SHB: variants seen among roughly 807,000 people sequenced by gnomAD.
SHB encodes SH2 domain-containing adapter protein B.
A neutral mutation model predicts 52.3 loss-of-function variants in SHB; 20 were observed. That is an observed-to-expected ratio of 0.38 (90% confidence interval 0.27 to 0.56). The LOEUF (loss-of-function observed/expected upper bound fraction) is 0.56, where lower values mean the gene tolerates loss of function less well. Among genes scored for constraint, SHB ranks in the 20% least tolerant of loss-of-function variants. The pLI is 0.71. For missense variants in SHB, 825 were observed against 723.3 expected (o/e 1.14, Z -1.61); for synonymous variants, 397 against 316.5 (o/e 1.25, Z -2.70).
intron 1 of SHB, among the ~76,000 whole-genome samples, chr9:38,054,066 G>A (rs1355407785): frequency 6.6e-6 from 1 of 152,180 alleles, no homozygotes; most frequent in Non-Finnish European, 1.5e-5. Flanking sequence ...AGAAGATGGG[G>A]CATTCCAGGC....
chr9:37,926,395 C>T (rs1005253338), intron 5 of SHB, among the ~76,000 whole-genome samples: 1 of 152,172 alleles, frequency 6.6e-6, no homozygotes, highest in African/African-American at 2.4e-5. Context: ...CTAGAAGATT[C>T]GAGAAGCACA....
chr9:38,042,083 G>A (rs1408261128), intron 1 of SHB, among the ~76,000 whole-genome samples: 2 of 152,202 alleles, frequency 1.3e-5, no homozygotes, highest in East Asian at 1.9e-4. Flanking sequence ...TCGCCCAGAA[G>A]GCATCAAGGT....
At chr9:37,972,463 G>A (rs1345182757) in intron 3 of SHB, among the ~76,000 whole-genome samples, 1 of 152,220 alleles carries the variant, frequency 6.6e-6, no homozygotes, top group Non-Finnish European at 1.5e-5. Flanking sequence ...CCAGAAAGGT[G>A]ATGGGACAGG....
At chr9:37,960,103 A>G (rs563031950) in intron 3 of SHB, among the ~76,000 whole-genome samples, 185 of 152,248 alleles carry the variant, frequency 1.2e-3, no homozygotes, top group Non-Finnish European at 2.4e-3. Flanking sequence ...TTAATAATAT[A>G]GCCATATATC....
intron 2 of SHB, among the ~76,000 whole-genome samples, chr9:38,009,646 T>C (rs1046887035): frequency 2.0e-5 from 3 of 152,192 alleles, no homozygotes; most frequent in Admixed American, 1.3e-4. Flanking sequence ...AGAGAGCATG[T>C]TGCCACTAGA....
At chr9:37,934,163 T>G (rs989200694) in intron 5 of SHB, among the ~76,000 whole-genome samples, 1 of 152,202 alleles carries the variant, frequency 6.6e-6, no homozygotes, top group African/African-American at 2.4e-5. Flanking sequence ...TTTTGGGGTC[T>G]GCGGACCTCC....
chr9:38,051,985 T>C (rs1446551799), intron 1 of SHB, among the ~76,000 whole-genome samples: 1 of 152,214 alleles, frequency 6.6e-6, no homozygotes, highest in Non-Finnish European at 1.5e-5. Context: ...GCATCCCGCG[T>C]TGGCTCAGAG....
At position 37,916,542 on chromosome 9, in the gene SHB, G is replaced by A. The variant is rs373997615; in HGVS notation, c.*3279C>T. On this transcript the variant is annotated 3_prime_UTR_variant, in exon 6 of 6. Coordinates refer to ENST00000377707, the MANE Select transcript of SHB (RefSeq NM_003028.3). ...CCACCCTGTTGACCGGACGCCTTGC[G>A]GGTAGCTGCTTCAGGTTTCCCTCCT... 2.0e-4 allele frequency among the ~76,000 whole-genome samples: 31 copies of A among 152,350 alleles called. No homozygotes were observed. The highest frequency in any genetic ancestry group is 5.8e-4 in the African/African-American group (24 of 41,586).
chr9:38,020,369 T>G (rs534625914), intron 1 of SHB, among the ~76,000 whole-genome samples: 7 of 152,306 alleles, frequency 4.6e-5, no homozygotes, highest in Admixed American at 4.6e-4. Context: ...CAGGTGATCC[T>G]TATCAGGAAA....
intron 2 of SHB, among the ~76,000 whole-genome samples, chr9:38,002,647 C>A (rs1277108415): frequency 1.3e-5 from 2 of 152,242 alleles, no homozygotes; most frequent in African/African-American, 4.8e-5. Flanking sequence ...GTCCCCCAAC[C>A]TAGCTTGGCT....
chr9:37,963,529 G>A (rs973460407), intron 3 of SHB, among the ~76,000 whole-genome samples: 1 of 152,200 alleles, frequency 6.6e-6, no homozygotes, highest in Non-Finnish European at 1.5e-5. Flanking sequence ...CGAATGTACA[G>A]AGGCAGAGTC....
At chr9:37,932,562 CAA>C (rs74171537) in intron 5 of SHB, among the ~76,000 whole-genome samples, 1,417 of 86,702 alleles carry the variant, frequency 0.016, 15 homozygotes, top group East Asian at 0.094. Flanking sequence ...GCTCTAGCCA[CAA>C]AAAAAAAAAA....
intron 1 of SHB, among the ~76,000 whole-genome samples, chr9:38,034,533 A>C (rs1485158285): frequency 6.6e-6 from 1 of 152,200 alleles, no homozygotes; most frequent in Non-Finnish European, 1.5e-5. Context: ...ATTCTTCCTG[A>C]AATTGAGTTG....
At chr9:38,047,778 C>T (rs1014979294) in intron 1 of SHB, among the ~76,000 whole-genome samples, 3 of 152,236 alleles carry the variant, frequency 2.0e-5, no homozygotes, top group Non-Finnish European at 4.4e-5. Flanking sequence ...TAGCCCAATG[C>T]GCCAGTGGGT....
chr9:38,065,994 C>T (rs1425016998), intron 1 of SHB, among the ~76,000 whole-genome samples: 2 of 152,204 alleles, frequency 1.3e-5, no homozygotes, highest in African/African-American at 4.8e-5. Flanking sequence ...CCTCCTGTAA[C>T]CCTGTAACAC....
chr9:38,054,513 A>T (rs777427797), intron 1 of SHB, among the ~76,000 whole-genome samples: 9 of 152,014 alleles, frequency 5.9e-5, no homozygotes, highest in Non-Finnish European at 1.3e-4. Context: ...CTATTACTTC[A>T]TGCCCACAGG....
chr9:38,033,950 C>T (rs768627935), intron 1 of SHB, among the ~76,000 whole-genome samples: 15 of 152,136 alleles, frequency 9.9e-5, no homozygotes, highest in Admixed American at 3.3e-4. Flanking sequence ...TTACCCACAC[C>T]GAGGGCACTT....
chr9:38,042,791 T>G (rs955253857), intron 1 of SHB, among the ~76,000 whole-genome samples: 6 of 152,080 alleles, frequency 3.9e-5, no homozygotes, highest in Non-Finnish European at 8.8e-5. Flanking sequence ...GAAGTCGAAT[T>G]CCTGTTAATT....
intron 1 of SHB, among the ~76,000 whole-genome samples, chr9:38,045,598 G>T (rs1160181492): frequency 1.3e-5 from 2 of 152,084 alleles, no homozygotes; most frequent in African/African-American, 4.8e-5. Context: ...ACAACAGAGT[G>T]AGACCCTGTC....
Sources: gnomAD v4.1 joint callset for allele counts (sites outside exome capture counted in the v4.1 genomes callset) on GRCh38, gnomAD v4.1.1 for gene constraint, MANE v1.5 for transcripts, NCBI Gene and HGNC (gene_info 2026-07-23, HGNC 2026-07-21) for gene names.